Variants in ATP2B2 observed in about 807,000 individuals in gnomAD.
ATP2B2 encodes ATPase plasma membrane Ca2+ transporting 2.
A neutral mutation model predicts 120.0 loss-of-function variants in ATP2B2; 15 were observed. The ratio of observed to expected loss-of-function variants is 0.12; its 90% CI spans 0.08 to 0.19. The LOEUF (loss-of-function observed/expected upper bound fraction) is 0.19, where lower values mean the gene tolerates loss of function less well. Ranked by LOEUF, ATP2B2 falls within the 10% of genes least tolerant of loss-of-function variation. ATP2B2 has a pLI of 1.00. For synonymous variants in ATP2B2, 694 were observed against 700.3 expected, an observed-to-expected ratio of 0.99 and a Z score of 0.14; for missense variants, 1,045 against 1,719.8, an observed-to-expected ratio of 0.61 and a Z score of 6.94.
intron 1 of ATP2B2, among the ~76,000 whole-genome samples, chr3:10,695,251 G>GGAGGGGGA (rs60247955): frequency 0.035 from 4,494 of 126,762 alleles, 132 homozygotes; most frequent in South Asian, 0.067. Flanking sequence ...AGGGAGGGAG[G>GGAGGGGGA]GAGAGAGAGA....
At position 10,389,800 on chromosome 3, in the gene ATP2B2, G is replaced by GA. The variant is rs560817286; in HGVS notation, c.782-1399dup. ...ACTATTAATATAATTTTAAAAATTG[G>GA]AAAAAAAAGCCCCCTGAAGCCATGG... On this transcript the variant is annotated intron_variant, in intron 5 of 22. Transcript: ENST00000360273. Among the ~76,000 whole-genome samples the GA allele has an allele frequency of 1.2e-3, 179 of 151,764 alleles. 6 individuals are homozygous for GA. In the South Asian group the frequency reaches 0.028, roughly 23 times the overall value.
intron 8 of ATP2B2, 106 bp from the exon 9 acceptor site, chr3:10,379,390 G>T: frequency 7.7e-7 from 1 of 1,302,988 alleles, no homozygotes; most frequent in Non-Finnish European, 1.1e-6. Flanking sequence ...ATGAAGGGCG[G>T]GCCGTGCTGA....
At position 10,372,031 on chromosome 3, in the gene ATP2B2, G is replaced by A. The variant is rs2289274; in HGVS notation, c.1437C>T (p.Asn479=). The part of the protein sequence containing the change: ...YSVKKMMKDN[N]LVRHLDACET... ...CACAGGCATCCAGGTGGCGTACCAG[G>A]TTGTTGTCCTTCATCATTTTCTGGG... The change falls in exon 12 of 23, where the codon AAC becomes AAT. Residue 479 remains asparagine (N), a synonymous_variant. Transcript: ENST00000360273. 488,570 of 1,613,946 alleles carry A rather than the reference G, an allele frequency of 0.3. 75,032 individuals carry two copies. The highest frequency in any genetic ancestry group is 0.36 in the South Asian group (32,393 of 91,066).
intron 1 of ATP2B2, among the ~76,000 whole-genome samples, chr3:10,495,397 CA>C (rs1303990902): frequency 6.6e-6 from 1 of 152,240 alleles, no homozygotes; most frequent in Non-Finnish European, 1.5e-5. Flanking sequence ...AGGCCTTGGA[CA>C]AGCCATCCCA....
rs551379879 is a variant in ATP2B2, at chr3:10,442,414, G to A, written c.199+6931C>T. Among the ~76,000 whole-genome samples, 6 of 152,234 alleles carry A rather than the reference G, an allele frequency of 3.9e-5. No individual in the cohort carries two copies. The East Asian group carries it at 9.6e-4, about 24-fold the overall frequency. On this transcript the variant is annotated intron_variant, in intron 2 of 22. Transcript: ENST00000360273. The stretch of plus-strand genomic sequence containing the variant: ...TGTCCCGTGCTCTCCCTGCCACCCC[G>A]TGGCCTGCAGAATTATTTGCCCAGC...
chr3:10,562,879 T>C (rs2067933624), intron 2 of ATP2B2, among the ~76,000 whole-genome samples: 1 of 152,220 alleles, frequency 6.6e-6, no homozygotes, highest in Non-Finnish European at 1.5e-5. Context: ...TGTGTTGCAA[T>C]TATGTATGTA....
rs2060242351 is a variant in ATP2B2 at position 10,340,440 on chromosome 3, C to T, written c.3129+53G>A. 6.2e-7 allele frequency: 1 copy of T among 1,613,790 alleles called. No homozygotes were observed. Among genetic ancestry groups the T allele is most frequent in the Non-Finnish European group, 8.5e-7 (1 of 1,179,714 alleles). On this transcript the variant is annotated intron_variant, in intron 20 of 22. Transcript: ENST00000360273. The surrounding 1 kb of genome is among the most constrained non-coding windows in gnomAD (Gnocchi z 5.0). ...GGGCTCTCAGGGTCCTGCCCAGGGGCTCCAGCCGCTTGCTGCCCACCCCGG... is the reference window on the plus strand; with the variant it reads ...GGGCTCTCAGGGTCCTGCCCAGGGGTTCCAGCCGCTTGCTGCCCACCCCGG...
chr3:10,468,728 G>A (rs754209515), intron 1 of ATP2B2, among the ~76,000 whole-genome samples: 10 of 152,198 alleles, frequency 6.6e-5, no homozygotes, highest in African/African-American at 1.2e-4. Flanking sequence ...CCAGTGAGGC[G>A]CTGAAGGAGT....
chr3:10,442,664 C>A (rs1317252235), intron 2 of ATP2B2, among the ~76,000 whole-genome samples: 1 of 152,104 alleles, frequency 6.6e-6, no homozygotes, highest in Non-Finnish European at 1.5e-5. Flanking sequence ...AAATATGGGG[C>A]TGACATTTTT....
chr3:10,557,314 A>C (rs1458170409), intron 2 of ATP2B2, among the ~76,000 whole-genome samples: 1 of 152,228 alleles, frequency 6.6e-6, no homozygotes, highest in Admixed American at 6.5e-5. Context: ...AGGACTTATA[A>C]AAAGTTCATC....
intron 1 of ATP2B2, among the ~76,000 whole-genome samples, chr3:10,654,618 G>A (rs1215738916): frequency 2.6e-5 from 4 of 152,094 alleles, no homozygotes; most frequent in Non-Finnish European, 4.4e-5. Flanking sequence ...CTATGGATCC[G>A]CCTCCCTCCA....
chr3:10,379,157 G>T, intron 9 of ATP2B2, 86 bp downstream of exon 9: 1 of 1,475,982 alleles, frequency 6.8e-7, no homozygotes, highest in Non-Finnish European at 9.4e-7. Flanking sequence ...TCTGGCCCTT[G>T]CCAGTCTCTG....
At chr3:10,351,890 C>A (rs548302917) in intron 14 of ATP2B2, among the ~76,000 whole-genome samples, 1 of 152,234 alleles carries the variant, frequency 6.6e-6, no homozygotes, top group Non-Finnish European at 1.5e-5. Context: ...TCCTCCCTAT[C>A]GTCACTGGAA....
Position 10,378,148 on chromosome 3 carries a change from C to T in ATP2B2, c.1201+104G>A. On this transcript the variant is annotated intron_variant, in intron 10 of 22. Transcript: ENST00000360273. ...GGTGGGCTTCAGGCACTCATTCAAG[C>T]CCCCCACTTTGCAGATGAGGTAACT... 3 of 1,470,812 alleles carry T rather than the reference C, an allele frequency of 2.0e-6. No homozygotes were observed. The South Asian group carries it at 4.0e-5, about 20-fold the overall frequency. 91.1% of individuals were successfully genotyped at this position (1,470,812 alleles called of 1,614,324 possible).
chr3:10,587,733 A>G (rs967737418), intron 2 of ATP2B2, among the ~76,000 whole-genome samples: 3 of 142,496 alleles, frequency 2.1e-5, no homozygotes, highest in Non-Finnish European at 3.0e-5. Flanking sequence ...CAAGAAAGCA[A>G]GTGTTTCTGG....
chr3:10,346,146 G>A lies in ATP2B2; in HGVS notation c.2405-9C>T, dbSNP rs778762403. On this transcript the variant is annotated splice_polypyrimidine_tract_variant and intron_variant, in intron 16 of 22. Transcript: ENST00000360273. The surrounding 1 kb of genome is among the most constrained non-coding windows in gnomAD (Gnocchi z 4.1). Reference sequence around the variant, plus strand: ...TGTGCTGTCGATGATGCCTGTTGGGGCAGGAGTGTGCTCAGGCCCTGGGCC... The same window carrying A: ...TGTGCTGTCGATGATGCCTGTTGGGACAGGAGTGTGCTCAGGCCCTGGGCC... 7.5e-6 allele frequency: 12 copies of A among 1,608,600 alleles called. No individual in the cohort carries two copies. In the South Asian group the frequency reaches 9.9e-5, roughly 13 times the overall value.
Position 10,446,931 on chromosome 3 carries a change from G to A in ATP2B2, c.199+2414C>T, listed in dbSNP as rs140978515. Among the ~76,000 whole-genome samples the A allele has an allele frequency of 4.3e-3, 650 of 152,354 alleles. 5 individuals carry two copies. Among genetic ancestry groups the A allele is most frequent in the Non-Finnish European group, 7.1e-3 (486 of 68,038 alleles). On this transcript the variant is annotated intron_variant, in intron 2 of 22. Transcript: ENST00000360273. ...CTTTTCACCTGAAGCCTCACTTCTTGCAGCATACCAGTTATTCTGTGGGAT... is the reference window on the plus strand; with the variant it reads ...CTTTTCACCTGAAGCCTCACTTCTTACAGCATACCAGTTATTCTGTGGGAT...
intron 2 of ATP2B2, among the ~76,000 whole-genome samples, chr3:10,443,386 T>C (rs962820296): frequency 9.9e-5 from 15 of 152,092 alleles, no homozygotes; most frequent in African/African-American, 3.6e-4. Context: ...CCAGGTCTGA[T>C]CTATCAGCCC....
chr3:10,492,251 G>T (rs1446836356), intron 1 of ATP2B2, among the ~76,000 whole-genome samples: 1 of 151,696 alleles, frequency 6.6e-6, no homozygotes, highest in Non-Finnish European at 1.5e-5. Flanking sequence ...TTTTCGGGGG[G>T]TGGGGCAGGT....
Sources: gnomAD v4.1 joint callset for allele counts (sites outside exome capture counted in the v4.1 genomes callset) on GRCh38, gnomAD v4.1.1 for gene constraint, Gnocchi (gnomAD v3.1) non-coding constraint, MANE v1.5 for transcripts, NCBI Gene and HGNC (gene_info 2026-07-23, HGNC 2026-07-21) for gene names.